CTNNA2: variants seen among roughly 807,000 people sequenced by gnomAD.
CTNNA2 encodes the protein catenin alpha 2.
Under a neutral mutation model 101.0 loss-of-function variants are expected in CTNNA2, and 42 were observed. That is an observed-to-expected ratio of 0.42 (90% confidence interval 0.32 to 0.54). The LOEUF is 0.54. Ranked by LOEUF, CTNNA2 falls within the 20% of genes least tolerant of loss-of-function variation. CTNNA2 has a pLI of 0.14. For missense variants in CTNNA2, 871 were observed against 1,223.1 expected, an observed-to-expected ratio of 0.71 and a Z score of 4.29; for synonymous variants, 450 against 456.4, an observed-to-expected ratio of 0.99 and a Z score of 0.18.
At chr2:80,214,086 T>A (rs1326086898) in intron 7 of CTNNA2, among the ~76,000 whole-genome samples, 1 of 152,186 alleles carries the variant, frequency 6.6e-6, no homozygotes, top group Non-Finnish European at 1.5e-5. Context: ...CCTCCATCCC[T>A]TTGTTTTGAG....
At chr2:79,747,369 G>A (rs1187981118) in intron 3 of CTNNA2, among the ~76,000 whole-genome samples, 1 of 151,910 alleles carries the variant, frequency 6.6e-6, no homozygotes, top group Admixed American at 6.6e-5. Context: ...TTTTTAGGTT[G>A]ACTGCCATAT....
In CTNNA2 at chr2:79,673,077, A is replaced by G. The variant is rs991864806; in HGVS notation, c.102+21419A>G. Among the ~76,000 whole-genome samples, 6 of 152,224 alleles carry G rather than the reference A, an allele frequency of 3.9e-5. No individual in the cohort carries two copies. The South Asian group carries it at 1.2e-3, about 31-fold the overall frequency. On this transcript the variant is annotated intron_variant, in intron 2 of 18. Coordinates refer to ENST00000402739, the MANE Select transcript of CTNNA2 (RefSeq NM_001282597.3). The stretch of plus-strand genomic sequence containing the variant: ...TATATTGTCAATATTTACCAATGAC[A>G]TTAAATATTCTTCTGTGTGAATGTT...
intron 9 of CTNNA2, among the ~76,000 whole-genome samples, chr2:80,525,049 ACT>A (rs1491372411): frequency 2.0e-5 from 3 of 149,878 alleles, no homozygotes; most frequent in Non-Finnish European, 4.4e-5. Context: ...AGCAGTATAC[ACT>A]TTTTTTTTTG....
At chr2:79,770,814 A>C (rs996232570) in intron 3 of CTNNA2, among the ~76,000 whole-genome samples, 1 of 152,246 alleles carries the variant, frequency 6.6e-6, no homozygotes, top group Non-Finnish European at 1.5e-5. Flanking sequence ...TCAAGTTATG[A>C]CAGCCAGTTA....
In CTNNA2 at chr2:80,430,162, T is replaced by A. The variant is rs1012431294; in HGVS notation, c.1290+10561T>A. ...CTGACATTTAGATAAAAACTAACCA[T>A]ACCGTATGTAAACCTCCAAATTATA... On this transcript the variant is annotated intron_variant, in intron 9 of 18. Coordinates refer to ENST00000402739, the MANE Select transcript of CTNNA2 (RefSeq NM_001282597.3). Among the ~76,000 whole-genome samples, 12 of 152,232 alleles carry A rather than the reference T, an allele frequency of 7.9e-5. No individual in the cohort carries two copies. The East Asian group carries it at 2.1e-3, about 27-fold the overall frequency.
chr2:79,932,023 C>T (rs114847350), intron 7 of CTNNA2, among the ~76,000 whole-genome samples: 2,095 of 152,318 alleles, frequency 0.014, 55 homozygotes, highest in African/African-American at 0.048. Context: ...GAGCCTCTCT[C>T]ACACCTTCAG....
intron 2 of CTNNA2, among the ~76,000 whole-genome samples, chr2:79,280,701 G>GAGAGAGAGAGAGAT (rs142826852): frequency 6.8e-6 from 1 of 147,256 alleles, no homozygotes; most frequent in Non-Finnish European, 1.5e-5. Flanking sequence ...GAGAGAGAGA[G>GAGAGAGAGAGAGAT]ACCTATAGCT....
chr2:79,308,585 A>G (rs13419741), intron 2 of CTNNA2, among the ~76,000 whole-genome samples: 10,830 of 152,028 alleles, frequency 0.071, 467 homozygotes, highest in African/African-American at 0.11. Context: ...TTTCAGACCA[A>G]TGTCCGGAAG....
intron 6 of CTNNA2, among the ~76,000 whole-genome samples, chr2:79,898,548 C>T (rs771555944): frequency 2.6e-5 from 4 of 152,130 alleles, no homozygotes; most frequent in Non-Finnish European, 5.9e-5. Context: ...ACTGTGTGGC[C>T]TTCATCAAGT....
At chr2:80,019,077 G>A (rs1242049546) in intron 7 of CTNNA2, among the ~76,000 whole-genome samples, 1 of 152,108 alleles carries the variant, frequency 6.6e-6, no homozygotes, top group African/African-American at 2.4e-5. Flanking sequence ...CCTTGTATTA[G>A]GTATTATAAG....
At chr2:80,046,538 C>CT (rs35625146) in intron 7 of CTNNA2, among the ~76,000 whole-genome samples, 11,522 of 152,054 alleles carry the variant, frequency 0.076, 642 homozygotes, top group African/African-American at 0.15. Flanking sequence ...GGTGTTCAAA[C>CT]TTTTTTTACA....
intron 4 of CTNNA2, among the ~76,000 whole-genome samples, chr2:79,421,110 G>A (rs1401377318): frequency 6.6e-6 from 1 of 152,108 alleles, no homozygotes; most frequent in Non-Finnish European, 1.5e-5. Context: ...CCTAAGGAGG[G>A]TAGGTTTCCT....
chr2:79,302,233 A>T (rs1676130183), intron 2 of CTNNA2, among the ~76,000 whole-genome samples: 1 of 152,170 alleles, frequency 6.6e-6, no homozygotes, highest in Non-Finnish European at 1.5e-5. Flanking sequence ...CCTACCTCTC[A>T]CATTTCCCAT....
At chr2:80,292,017 A>C (rs950021326) in intron 7 of CTNNA2, among the ~76,000 whole-genome samples, 1 of 152,218 alleles carries the variant, frequency 6.6e-6, no homozygotes, top group Admixed American at 6.5e-5. Flanking sequence ...TCCCTCTTTT[A>C]GGCCCAGTGC....
intron 1 of CTNNA2, among the ~76,000 whole-genome samples, chr2:79,611,602 G>A (rs1678279353): frequency 6.6e-6 from 1 of 152,094 alleles, no homozygotes; most frequent in African/African-American, 2.4e-5. Context: ...AAGGGCTTCT[G>A]TGCAGAGGAA....
At chr2:79,523,804 T>G (rs1266320146) in intron 1 of CTNNA2, among the ~76,000 whole-genome samples, 2 of 152,134 alleles carry the variant, frequency 1.3e-5, no homozygotes, top group African/African-American at 4.8e-5. Flanking sequence ...AATACCTCTT[T>G]TTTAGATAAA....
intron 9 of CTNNA2, among the ~76,000 whole-genome samples, chr2:80,459,337 C>T (rs1684237493): frequency 1.3e-5 from 2 of 152,108 alleles, no homozygotes; most frequent in Non-Finnish European, 2.9e-5. Flanking sequence ...ACAAGTTGAC[C>T]TGCTGAGGTG....
At chr2:79,274,048 C>T (rs1675149743) in intron 2 of CTNNA2, among the ~76,000 whole-genome samples, 1 of 151,956 alleles carries the variant, frequency 6.6e-6, no homozygotes, top group Non-Finnish European at 1.5e-5. Flanking sequence ...CATCTTCTCT[C>T]TATGTTTCTG....
At chr2:80,164,319 A>G (rs1326535158) in intron 7 of CTNNA2, among the ~76,000 whole-genome samples, 2 of 151,764 alleles carry the variant, frequency 1.3e-5, no homozygotes, top group African/African-American at 4.8e-5. Context: ...ATCTCTTGGC[A>G]TAGCCTTTTT....
Sources: allele counts gnomAD v4.1 joint callset (sites outside exome capture counted in the v4.1 genomes callset), GRCh38; gene constraint gnomAD v4.1.1; transcripts MANE v1.5; gene names NCBI Gene and HGNC (gene_info 2026-07-23, HGNC 2026-07-21).